Variants in EXD3 observed in about 807,000 individuals in gnomAD.
The protein encoded by EXD3 is exonuclease mut-7 homolog.
In EXD3, 92 loss-of-function variants were observed where a neutral mutation model predicts 98.0. That is an observed-to-expected ratio of 0.94 (90% CI 0.79 to 1.12). The LOEUF (loss-of-function observed/expected upper bound fraction) is 1.12. Ranked by LOEUF, EXD3 falls within the 50% of genes most tolerant of loss-of-function variation. The pLI, the probability that EXD3 is intolerant of heterozygous loss-of-function variation, is 0.00. For missense variants in EXD3, 1,222 were observed against 1,191.6 expected, an observed-to-expected ratio of 1.03 and a Z score of -0.38; for synonymous variants, 569 against 526.0, an observed-to-expected ratio of 1.08 and a Z score of -1.12.
At chr9:137,353,962 CT>C (rs1834459562) in intron 10 of EXD3, 1 of 1,075,726 alleles carries the variant, frequency 9.3e-7, no homozygotes, top group African/African-American at 1.7e-5. Context: ...CGGCTCTGCG[CT>C]GGCACCGGGC....
intron 7 of EXD3, among the ~76,000 whole-genome samples, chr9:137,363,766 T>C (rs1835098827): frequency 6.6e-6 from 1 of 152,198 alleles, no homozygotes; most frequent in South Asian, 2.1e-4. Flanking sequence ...TATAGGACTA[T>C]TTAAGTGTTC....
chr9:137,372,891 C>G lies in EXD3; in HGVS notation c.462+14G>C. The stretch of plus-strand genomic sequence containing the variant: ...AGCCGTTTCCCCATGAGCCCGGCCA[C>G]GTGGGCCACTCACTTCTCTGAACCT... On this transcript the variant is annotated intron_variant, in intron 5 of 21. Transcript: ENST00000340951. The G allele has an allele frequency of 6.3e-7, 1 of 1,596,928 alleles. No homozygotes were observed. The highest frequency in any genetic ancestry group is 8.5e-7 in the Non-Finnish European group (1 of 1,179,428).
intron 1 of EXD3, among the ~76,000 whole-genome samples, chr9:137,417,634 A>G (rs1838299582): frequency 6.6e-6 from 1 of 152,164 alleles, no homozygotes; most frequent in Non-Finnish European, 1.5e-5. Context: ...GCAGAGGAGG[A>G]ACGGCCGAGC....
At chr9:137,329,257 G>GA (rs1294874746) in intron 17 of EXD3, among the ~76,000 whole-genome samples, 1 of 19,054 alleles carries the variant, frequency 5.2e-5, no homozygotes, top group Non-Finnish European at 8.1e-5. Flanking sequence ...AGCTACACGG[G>GA]GCTACACGGG....
rs183357841 is a variant in EXD3, at chr9:137,416,923, G to C, written c.-48+6191C>G. 5.4e-4 allele frequency among the ~76,000 whole-genome samples: 83 copies of C among 152,306 alleles called. 1 individual carries two copies. The highest frequency in any genetic ancestry group is 3.9e-3 in the East Asian group (20 of 5,180). Reference sequence around the variant, plus strand: ...CTGATGACGGTGCGGCCGTCAGGAGGCCAGGAAGCCCCGACACCTCCCCGT... The same window carrying C: ...CTGATGACGGTGCGGCCGTCAGGAGCCCAGGAAGCCCCGACACCTCCCCGT... On this transcript the variant is annotated intron_variant, in intron 1 of 21. Coordinates refer to ENST00000340951, the MANE Select transcript of EXD3 (RefSeq NM_017820.5).
intron 17 of EXD3, among the ~76,000 whole-genome samples, chr9:137,326,419 G>C (rs1262166714): frequency 6.6e-6 from 1 of 152,122 alleles, no homozygotes; most frequent in Non-Finnish European, 1.5e-5. Context: ...CCAATACTTT[G>C]GGAGGCTGAG....
intron 17 of EXD3, among the ~76,000 whole-genome samples, chr9:137,337,449 C>G (rs7037620): frequency 0.46 from 69,045 of 151,658 alleles, 17,829 homozygotes; most frequent in African/African-American, 0.72. Flanking sequence ...TCAGGAGTTC[C>G]AGACCAGCCT....
chr9:137,307,211 G>A lies in EXD3; in HGVS notation c.2370C>T (p.Arg790=). The change falls in exon 22 of 22, where the codon CGC becomes CGT. Residue 790 remains arginine, a synonymous_variant. Coordinates refer to ENST00000340951, the MANE Select transcript of EXD3 (RefSeq NM_017820.5). Reference sequence around the variant, plus strand: ...CCCGCAGGTCAGCCATCTGCAGCCAGCGGCAGGGGCGGTCATAGGTGCAGC... The same window carrying A: ...CCCGCAGGTCAGCCATCTGCAGCCAACGGCAGGGGCGGTCATAGGTGCAGC... ...PEGCTYDRPC[R]WLQMADLRAE... 1 of 1,573,498 alleles carries A rather than the reference G, an allele frequency of 6.4e-7. No homozygotes were observed.
chr9:137,408,229 G>A lies in EXD3; in HGVS notation c.-47-12825C>T, dbSNP rs144337352. Among the ~76,000 whole-genome samples the A allele has an allele frequency of 1.9e-3, 282 of 152,216 alleles. 1 individual carries two copies. The highest frequency in any genetic ancestry group is 6.8e-3 in the Middle Eastern group (2 of 294). On this transcript the variant is annotated intron_variant, in intron 1 of 21. Coordinates refer to ENST00000340951, the MANE Select transcript of EXD3 (RefSeq NM_017820.5). Reference sequence around the variant, plus strand: ...TGGCCGGCCCTGCACGTGCCCCAAAGCTCCCAAGGGGCTTTTAAGAGGGCT... The same window carrying A: ...TGGCCGGCCCTGCACGTGCCCCAAAACTCCCAAGGGGCTTTTAAGAGGGCT...
At chr9:137,314,440 G>C (rs2119060313) in intron 19 of EXD3, among the ~76,000 whole-genome samples, 1 of 152,284 alleles carries the variant, frequency 6.6e-6, no homozygotes, top group East Asian at 1.9e-4. Context: ...TGTGCAGCTG[G>C]GGATAGCGGC....
intron 17 of EXD3, among the ~76,000 whole-genome samples, chr9:137,341,053 C>T (rs892858399): frequency 6.6e-6 from 1 of 152,202 alleles, no homozygotes; most frequent in African/African-American, 2.4e-5. Flanking sequence ...GGGTGGCTCA[C>T]ACCTGTAATC....
In EXD3 at chr9:137,407,108, A is replaced by G. The variant is rs1394049042; in HGVS notation, c.-47-11704T>C. 1.3e-5 allele frequency among the ~76,000 whole-genome samples: 2 copies of G among 152,116 alleles called. No individual in the cohort carries two copies. Among genetic ancestry groups the G allele is most frequent in the African/African-American group, 4.8e-5 (2 of 41,436 alleles). ...GGCGGGCGGGGGCGGCCTGCGGAGCAGCCAGTCCCGGGCACCCCACGCCGA... is the reference window on the plus strand; with the variant it reads ...GGCGGGCGGGGGCGGCCTGCGGAGCGGCCAGTCCCGGGCACCCCACGCCGA... On this transcript the variant is annotated intron_variant, in intron 1 of 21. Transcript: ENST00000340951. This position sits in a 1 kb window ranked among gnomAD's most constrained non-coding sequence, Gnocchi z 4.4.
At chr9:137,418,253 C>G (rs1248548174) in intron 1 of EXD3, among the ~76,000 whole-genome samples, 3 of 152,164 alleles carry the variant, frequency 2.0e-5, no homozygotes, top group African/African-American at 7.2e-5. Flanking sequence ...GAGGCTGAGG[C>G]AGGAGAATCG....
chr9:137,373,651 TG>T, intron 3 of EXD3, 52 bp from the exon 4 acceptor site: 1 of 1,522,102 alleles, frequency 6.6e-7, no homozygotes, highest in Non-Finnish European at 8.8e-7. Flanking sequence ...CAAAGCCTCC[TG>T]GCAAGGCCTC....
intron 14 of EXD3, among the ~76,000 whole-genome samples, chr9:137,350,744 C>T (rs1041246756): frequency 6.6e-6 from 1 of 151,816 alleles, no homozygotes; most frequent in Admixed American, 6.6e-5. Flanking sequence ...GGGCTCCCTC[C>T]CGCAGCTCCT....
intron 17 of EXD3, among the ~76,000 whole-genome samples, chr9:137,325,154 T>C (rs879402388): frequency 6.6e-5 from 10 of 152,334 alleles, no homozygotes; most frequent in Admixed American, 3.3e-4. Flanking sequence ...GAGTGCCCTG[T>C]ACCCAAAACT....
intron 7 of EXD3, among the ~76,000 whole-genome samples, chr9:137,358,991 G>C (rs959121611): frequency 6.6e-6 from 1 of 150,486 alleles, no homozygotes; most frequent in Non-Finnish European, 1.5e-5. Flanking sequence ...CTGTCGCCCA[G>C]GCTGGAGTGC....
At chr9:137,350,269 T>G (rs1834201197) in intron 14 of EXD3, among the ~76,000 whole-genome samples, 1 of 70,236 alleles carries the variant, frequency 1.4e-5, no homozygotes, top group Non-Finnish European at 2.8e-5. Flanking sequence ...AGGTGCTAGA[T>G]AGAGAGGGGT....
chr9:137,338,625 G>A (rs1304687943), intron 17 of EXD3, among the ~76,000 whole-genome samples: 2 of 151,698 alleles, frequency 1.3e-5, no homozygotes, highest in Non-Finnish European at 2.9e-5. Context: ...AGTGGCTCAC[G>A]CCTGTAATCC....
Sources: allele counts gnomAD v4.1 joint callset (sites outside exome capture counted in the v4.1 genomes callset), GRCh38; gene constraint gnomAD v4.1.1; non-coding constraint Gnocchi (gnomAD v3.1); transcripts MANE v1.5; gene names NCBI Gene and HGNC (gene_info 2026-07-23, HGNC 2026-07-21).